The following OPRM1 variants were observed in gnomAD, a reference collection of about 807,000 sequenced individuals.
OPRM1 encodes mu-type opioid receptor.
Under a neutral mutation model 31.8 loss-of-function variants are expected in OPRM1, and 27 were observed. That is an observed-to-expected ratio of 0.85 (90% CI 0.63 to 1.17). The LOEUF (loss-of-function observed/expected upper bound fraction) is 1.17, where lower values mean the gene tolerates loss of function less well. OPRM1 is among the 50% of genes most tolerant of loss of function. The pLI, the probability that OPRM1 is intolerant of heterozygous loss-of-function variation, is 0.00. For synonymous variants in OPRM1, 196 were observed against 189.9 expected, an observed-to-expected ratio of 1.03 and a Z score of -0.26; for missense variants, 536 against 511.1, an observed-to-expected ratio of 1.05 and a Z score of -0.47.
rs1796214766 is a variant in OPRM1 at position 154,110,428 on chromosome 6, C to T, written c.1165-8255C>T. ...AAGGGCTAATAATTACAATATTTTC[C>T]CGTGAAAGAATATAAGATTGGAAGC... On this transcript the variant is annotated intron_variant, in intron 3 of 3. Transcript: ENST00000330432. 3.4e-6 allele frequency: 5 copies of T among 1,484,434 alleles called. No homozygotes were observed. The South Asian group carries it at 3.6e-5, about 11-fold the overall frequency. The allele number at this position is 1,484,434 out of a possible 1,614,324, so 92.0% of individuals were successfully genotyped here.
At chr6:154,035,677 T>C (rs576715632), upstream of OPRM1, among the ~76,000 whole-genome samples, 8 of 152,246 alleles carry the variant, frequency 5.3e-5, no homozygotes, top group East Asian at 7.7e-4. Context: ...ATTCTATGAA[T>C]AACTAAGCCA....
chr6:154,112,353 C>T (rs1796450566), intron 3 of OPRM1, among the ~76,000 whole-genome samples: 1 of 152,178 alleles, frequency 6.6e-6, no homozygotes, highest in African/African-American at 2.4e-5. Context: ...CCACTTATTA[C>T]TCACAGCACA....
chr6:154,093,216 T>C, intron 3 of OPRM1: 2 of 1,500,856 alleles, frequency 1.3e-6, no homozygotes, highest in East Asian at 4.6e-5. Flanking sequence ...AGTAAAATAT[T>C]TCCATTGGAG....
intron 1 of OPRM1, among the ~76,000 whole-genome samples, chr6:154,059,856 G>A (rs773266060): frequency 6.6e-6 from 1 of 152,116 alleles, no homozygotes; most frequent in East Asian, 1.9e-4. Flanking sequence ...TCCACTGAGA[G>A]CTAATGTTTC....
chr6:154,077,343 C>T (rs942436267), intron 1 of OPRM1, among the ~76,000 whole-genome samples: 4 of 151,810 alleles, frequency 2.6e-5, no homozygotes, highest in Non-Finnish European at 5.9e-5. Flanking sequence ...GTCTCAAACT[C>T]CTGGCCTCAA....
intron 1 of OPRM1, among the ~76,000 whole-genome samples, chr6:154,019,405 A>G (rs1376276588): frequency 6.6e-6 from 1 of 151,872 alleles, no homozygotes; most frequent in Non-Finnish European, 1.5e-5. Context: ...TATTATTATC[A>G]CCCAAAGTCC....
intron 1 of OPRM1, among the ~76,000 whole-genome samples, chr6:154,076,395 A>T (rs1425559733): frequency 6.6e-6 from 1 of 152,368 alleles, no homozygotes; most frequent in East Asian, 1.9e-4. Flanking sequence ...AACCTAATAA[A>T]AATGGTCAAA....
At position 154,118,827 on chromosome 6, in the gene OPRM1, G is replaced by A. The variant is rs955492978; in HGVS notation, c.*106G>A. The A allele has an allele frequency of 1.1e-5, 17 of 1,547,766 alleles. No homozygotes were observed. The African/African-American group carries it at 2.3e-4, about 21-fold the overall frequency. On this transcript the variant is annotated 3_prime_UTR_variant, in exon 4 of 4. Coordinates refer to ENST00000330432, the MANE Select transcript of OPRM1 (RefSeq NM_000914.5). ...GGAGGCTCTAATTCTCTAGGAAAGT[G>A]CCTGCTTTTAGGTCATCCAACCTCT...
intron 3 of OPRM1, among the ~76,000 whole-genome samples, chr6:154,232,969 CTTTTT>C (rs780567029): frequency 7.4e-6 from 1 of 134,614 alleles, no homozygotes; most frequent in Non-Finnish European, 1.6e-5. Flanking sequence ...TTTTTCTTTT[CTTTTT>C]TTTTTTTTTT....
chr6:154,011,912 G>C (rs1168191316), intron 1 of OPRM1, among the ~76,000 whole-genome samples: 1 of 152,122 alleles, frequency 6.6e-6, no homozygotes, highest in African/African-American at 2.4e-5. Flanking sequence ...GAGAGTCAAC[G>C]TGAGTCTACT....
chr6:154,107,872 A>G (rs1463511590), intron 3 of OPRM1: 1 of 692,502 alleles, frequency 1.4e-6, no homozygotes, highest in African/African-American at 1.8e-5. Context: ...ACCTCATAAC[A>G]CAAAATACAC....
At chr6:154,070,545 G>A (rs951555883) in intron 1 of OPRM1, among the ~76,000 whole-genome samples, 9 of 152,122 alleles carry the variant, frequency 5.9e-5, no homozygotes, top group African/African-American at 2.2e-4. Flanking sequence ...TTCAACAAAT[G>A]TTGGCTCTAA....
In OPRM1 at chr6:154,129,282, A is replaced by G. The variant is rs140940467; in HGVS notation, c.*10561A>G. Among the ~76,000 whole-genome samples the G allele has an allele frequency of 1.3e-5, 2 of 152,354 alleles. No homozygotes were observed. Among genetic ancestry groups the G allele is most frequent in the African/African-American group, 4.8e-5 (2 of 41,584 alleles). ...CAGGGAGTTCTTCTATACAATAGAG[A>G]ACAGAACAATGTTCTTCTATACAAT... On this transcript the variant is annotated 3_prime_UTR_variant, in exon 4 of 4. Coordinates refer to ENST00000330432, the MANE Select transcript of OPRM1 (RefSeq NM_000914.5).
chr6:154,118,608 C>T, intron 3 of OPRM1, 75 bp from the exon 4 acceptor site: 1 of 1,425,950 alleles, frequency 7.0e-7, no homozygotes, highest in Non-Finnish European at 9.8e-7. Context: ...TTCTTACGAG[C>T]AGAAGATGCT....
At chr6:154,199,761 A>G in intron 3 of OPRM1, 1 of 1,614,248 alleles carries the variant, frequency 6.2e-7, no homozygotes, top group Non-Finnish European at 8.5e-7. Context: ...CTAGATAAAG[A>G]GTTCAAAAAT....
At chr6:154,226,430 A>AT (rs1779257671) in intron 3 of OPRM1, among the ~76,000 whole-genome samples, 1 of 152,012 alleles carries the variant, frequency 6.6e-6, no homozygotes, top group African/African-American at 2.4e-5. Context: ...TCAGTGAATA[A>AT]TATCACTTTC....
rs1259134787 is a variant in OPRM1, at chr6:154,125,405, A to G, written c.*6684A>G. Among the ~76,000 whole-genome samples, 1 of 152,222 alleles carries G rather than the reference A, an allele frequency of 6.6e-6. No homozygotes were observed. The highest frequency in any genetic ancestry group is 1.5e-5 in the Non-Finnish European group (1 of 68,040). On this transcript the variant is annotated 3_prime_UTR_variant, in exon 4 of 4. Transcript: ENST00000330432. ...TCTGAAGCAATAAACCTCTTCCATT[A>G]CACAGGTTTAGATTCAGAGTTTTCT...
chr6:154,082,408 G>A (rs547090773), intron 1 of OPRM1, among the ~76,000 whole-genome samples: 4 of 152,094 alleles, frequency 2.6e-5, no homozygotes, highest in African/African-American at 9.6e-5. Flanking sequence ...CATATTTGTT[G>A]TACTAAGCGC....
In OPRM1 at chr6:154,168,236, G is replaced by T. The variant is rs1157016632; in HGVS notation, c.1164+76764G>T. 3 of 662,706 alleles carry T rather than the reference G, an allele frequency of 4.5e-6. No individual in the cohort carries two copies. The highest frequency in any genetic ancestry group is 3.6e-5 in the African/African-American group (2 of 56,054). 41.1% of individuals were successfully genotyped at this position (662,706 alleles called of 1,614,324 possible). Reference sequence around the variant, plus strand: ...CACCCTCATCTCAGACTTCTCTCCGGAACTGAAAGACAATAAATGTTTGCT... The same window carrying T: ...CACCCTCATCTCAGACTTCTCTCCGTAACTGAAAGACAATAAATGTTTGCT... On this transcript the variant is annotated intron_variant, in intron 3 of 3. Coordinates refer to the OPRM1 transcript ENST00000337049. The surrounding 1 kb of genome is among the most constrained non-coding windows in gnomAD (Gnocchi z 4.1).
Sources: allele counts gnomAD v4.1 joint callset (sites outside exome capture counted in the v4.1 genomes callset), GRCh38; gene constraint gnomAD v4.1.1; non-coding constraint Gnocchi (gnomAD v3.1); transcripts MANE v1.5; gene names NCBI Gene and HGNC (gene_info 2026-07-23, HGNC 2026-07-21).